NLRP2: variants seen among roughly 807,000 people sequenced by gnomAD.
NLRP2 encodes the protein NLR family pyrin domain containing 2, also known as NACHT, LRR and PYD domains-containing protein 2.
In NLRP2, 107 loss-of-function variants were observed where a neutral mutation model predicts 97.2. The observed-to-expected ratio is 1.10, with a 90% CI of 0.94 to 1.29. The LOEUF (loss-of-function observed/expected upper bound fraction) is 1.29, where lower values mean the gene tolerates loss of function less well. NLRP2 is among the 50% of genes most tolerant of loss of function. The pLI, the probability that NLRP2 is intolerant of heterozygous loss-of-function variation, is 0.00. For synonymous variants in NLRP2, 663 were observed against 551.5 expected (o/e 1.20, Z -2.83); for missense variants, 1,495 against 1,330.3 (o/e 1.12, Z -1.93).
At position 54,983,353 on chromosome 19, in the gene NLRP2, A is replaced by T; in HGVS notation, c.1655A>T (p.Gln552Leu). ...AGACTCAGGAACCCCGACCTGATCC[A>T]AGCAGGCTACTACTCCTTTGGCCTC... Reference protein sequence around the residue: ...VERLRNPDLIQAGYYSFGLAN... With the variant: ...VERLRNPDLILAGYYSFGLAN... Residue 552 changes from glutamine to leucine, a missense_variant, in exon 6 of 13, where the codon CAA becomes CTA. Physicochemically the swap from Gln to Leu is moderately radical, Grantham distance 113. Transcript: ENST00000448584. The T allele has an allele frequency of 6.2e-7, 1 of 1,614,216 alleles. No individual in the cohort carries two copies. Among genetic ancestry groups the T allele is most frequent in the Non-Finnish European group, 8.5e-7 (1 of 1,180,042 alleles).
At chr19:54,974,994 T>C (rs547147420) in intron 3 of NLRP2, among the ~76,000 whole-genome samples, 1 of 151,746 alleles carries the variant, frequency 6.6e-6, no homozygotes, top group Non-Finnish European at 1.5e-5. Flanking sequence ...AGAGATGGGG[T>C]TTCACCATGA....
intron 9 of NLRP2, 105 bp downstream of exon 9, chr19:54,990,297 A>G: frequency 1.6e-6 from 2 of 1,262,162 alleles, no homozygotes; most frequent in African/African-American, 2.9e-5. Context: ...GCTGATGTGA[A>G]CACCTGTTCC....
intron 12 of NLRP2, among the ~76,000 whole-genome samples, chr19:54,999,654 C>G (rs1315677064): frequency 6.6e-6 from 1 of 151,620 alleles, no homozygotes; most frequent in Admixed American, 6.6e-5. Context: ...TTTTCTCTAT[C>G]AGATCAACAT....
At chr19:54,996,399 A>T (rs752268921) in intron 11 of NLRP2, among the ~76,000 whole-genome samples, 1 of 152,024 alleles carries the variant, frequency 6.6e-6, no homozygotes, top group Non-Finnish European at 1.5e-5. Flanking sequence ...AATCTCATCT[A>T]CTTGGAGGCA....
rs1419163378 is a variant in NLRP2 at position 54,990,171 on chromosome 19, A to C, written c.2516A>C (p.Lys839Thr). The C allele has an allele frequency of 1.2e-6, 2 of 1,614,116 alleles. No individual in the cohort carries two copies. Among genetic ancestry groups the C allele is most frequent in the East Asian group, 2.2e-5 (1 of 44,876 alleles). Residue 839 changes from lysine to threonine, a missense_variant, in exon 9 of 13, where the codon AAG becomes ACG. Physicochemically the swap from Lys to Thr is moderately conservative, Grantham distance 78. Transcript: ENST00000448584. ...CTGTACACAACTTTGAGACACCCCA[A>C]GTGCTTTCTGCAGAGGTTGTCGTAA... is the stretch of plus-strand genomic sequence containing the variant. The part of the protein sequence containing the change: ...KLLYTTLRHP[K>T]CFLQRLSLEN...
chr19:54,978,664 A>G (rs1043031695), intron 4 of NLRP2, among the ~76,000 whole-genome samples: 2 of 151,632 alleles, frequency 1.3e-5, no homozygotes, highest in African/African-American at 4.8e-5. Context: ...CCTGGCCAAC[A>G]TGGTGAAACC....
chr19:54,986,699 C>T (rs1305447008), intron 8 of NLRP2, among the ~76,000 whole-genome samples: 5 of 152,090 alleles, frequency 3.3e-5, no homozygotes, highest in East Asian at 1.9e-4. Flanking sequence ...TACAGGCACC[C>T]GCCACCACGC....
intron 7 of NLRP2, 122 bp from the exon 8 acceptor site, chr19:54,986,029 A>G: frequency 1.3e-6 from 1 of 754,382 alleles, no homozygotes; most frequent in Non-Finnish European, 2.3e-6. Context: ...GTAAAGATGG[A>G]CAAAAATTTA....
intron 12 of NLRP2, among the ~76,000 whole-genome samples, chr19:54,997,819 C>T (rs1272281716): frequency 6.7e-6 from 1 of 150,120 alleles, no homozygotes; most frequent in South Asian, 2.1e-4. Context: ...AGTCCAGCAG[C>T]ACAATGATGG....
chr19:54,990,271 C>A, intron 9 of NLRP2, 79 bp downstream of exon 9: 1 of 1,438,062 alleles, frequency 7.0e-7, no homozygotes, highest in Middle Eastern at 1.7e-4. Flanking sequence ...CCTGACTTGG[C>A]TGTATGGAAC....
At chr19:54,971,343 G>A (rs1284059641) in intron 2 of NLRP2, among the ~76,000 whole-genome samples, 2 of 151,788 alleles carry the variant, frequency 1.3e-5, no homozygotes, top group East Asian at 3.9e-4. Flanking sequence ...ACCCAGTAAT[G>A]GGATGGCTGG....
intron 1 of NLRP2, among the ~76,000 whole-genome samples, chr19:54,967,727 T>C (rs2070555656): frequency 6.6e-6 from 1 of 152,046 alleles, no homozygotes; most frequent in South Asian, 2.1e-4. Flanking sequence ...TTGTGTCTAA[T>C]GAGTCCTCTT....
chr19:54,997,625 G>T, intron 12 of NLRP2, 138 bp downstream of exon 12: 1 of 914,576 alleles, frequency 1.1e-6, no homozygotes, highest in South Asian at 1.4e-5. Flanking sequence ...GCCAATTTCT[G>T]TATTTCACTT....
intron 12 of NLRP2, among the ~76,000 whole-genome samples, chr19:54,997,911 A>G (rs976598600): frequency 2.6e-5 from 4 of 151,292 alleles, no homozygotes; most frequent in African/African-American, 9.7e-5. Context: ...AGCATGAACC[A>G]TTGCACCCAG....
At chr19:54,985,710 A>G (rs2072025622) in intron 7 of NLRP2, among the ~76,000 whole-genome samples, 1 of 149,628 alleles carries the variant, frequency 6.7e-6, no homozygotes, top group African/African-American at 2.5e-5. Context: ...AAAAAGAAAA[A>G]AAGGGCCGGG....
intron 4 of NLRP2, among the ~76,000 whole-genome samples, chr19:54,979,879 C>T (rs1210333311): frequency 6.6e-6 from 1 of 151,742 alleles, no homozygotes; most frequent in Non-Finnish European, 1.5e-5. Context: ...CAGGTTCAAG[C>T]GATTCTCCTG....
intron 2 of NLRP2, among the ~76,000 whole-genome samples, chr19:54,971,537 CAT>C (rs1262186810): frequency 6.6e-6 from 1 of 151,738 alleles, no homozygotes; most frequent in Non-Finnish European, 1.5e-5. Context: ...GATGATATCT[CAT>C]AGTGGTTTTG....
At position 54,982,862 on chromosome 19, in the gene NLRP2, C is replaced by A. The variant is rs574135212; in HGVS notation, c.1164C>A (p.Asn388Lys). ...GTGCCTTTGAGCTAATGAGGAGCAA[C>A]GCGGCCCTGTTCCAGCTGGGCTCGG... ...AMRAFELMRS[N>K]AALFQLGSAP... The change falls in exon 6 of 13, where the codon AAC (asparagine) becomes AAA (lysine). Residue 388 changes from asparagine (N) to lysine (K), a missense_variant. Asn to Lys is a moderately conservative substitution (Grantham distance 94). Coordinates refer to ENST00000448584, the MANE Select transcript of NLRP2 (RefSeq NM_017852.5). 1.5e-5 allele frequency: 24 copies of A among 1,613,134 alleles called. No individual in the cohort carries two copies. The South Asian group carries it at 2.3e-4, about 16-fold the overall frequency.
In NLRP2 at chr19:54,997,422, G is replaced by A. The variant is rs143942772; in HGVS notation, c.2985G>A (p.Gly995=). ...TGGACCTGGGTCAGAATCCCTTGGGGTCTAGTGGAGTGAAGATGCTGTTTG... is the reference window on the plus strand; with the variant it reads ...TGGACCTGGGTCAGAATCCCTTGGGATCTAGTGGAGTGAAGATGCTGTTTG... ...VTLDLGQNPL[G]SSGVKMLFET... The change falls in exon 12 of 13, where the codon GGG becomes GGA. Residue 995 remains glycine (G), a synonymous_variant. Transcript: ENST00000448584. 5.0e-6 allele frequency: 8 copies of A among 1,614,198 alleles called. No homozygotes were observed. The East Asian group carries it at 1.8e-4, about 36-fold the overall frequency.
Sources: allele counts gnomAD v4.1 joint callset (sites outside exome capture counted in the v4.1 genomes callset), GRCh38; gene constraint gnomAD v4.1.1; transcripts MANE v1.5; gene names NCBI Gene and HGNC (gene_info 2026-07-23, HGNC 2026-07-21).